Variants in ANKRD30B observed in about 807,000 individuals in gnomAD.
The protein encoded by ANKRD30B is ankyrin repeat domain-containing protein 30B.
A neutral mutation model predicts 202.2 loss-of-function variants in ANKRD30B; 144 were observed. The ratio of observed to expected loss-of-function variants is 0.71; its 90% CI spans 0.62 to 0.82. The LOEUF is 0.82. ANKRD30B is among the 40% of genes least tolerant of loss of function. The probability of loss-of-function intolerance (pLI) is 0.00; values close to 1 mark genes in which losing one functional copy is unlikely to be tolerated. For synonymous variants in ANKRD30B, 508 were observed against 561.3 expected (o/e 0.91, Z 1.34); for missense variants, 1,487 against 1,669.1 (o/e 0.89, Z 1.90).
the ANKRD30B span, among the ~76,000 whole-genome samples, chr18:14,915,327 T>C: frequency 1.3e-5 from 2 of 152,218 alleles, no homozygotes; most frequent in African/African-American, 4.8e-5. Flanking sequence ...ACTGCACCTC[T>C]CTTCTCCTTC....
chr18:14,810,326 T>A (rs1598657835), intron 28 of ANKRD30B, 146 bp downstream of exon 28: 3 of 551,100 alleles, frequency 5.4e-6, no homozygotes, highest in Non-Finnish European at 9.0e-6. Context: ...AGTATTTATG[T>A]TTGAGAAAAT....
chr18:14,862,431 A>G, the ANKRD30B span, among the ~76,000 whole-genome samples: 1 of 152,320 alleles, frequency 6.6e-6, no homozygotes, highest in South Asian at 2.1e-4. Context: ...AAAATTACAA[A>G]TGAGACATTG....
chr18:14,772,470 A>G (rs1033666816), intron 9 of ANKRD30B, among the ~76,000 whole-genome samples: 1 of 152,036 alleles, frequency 6.6e-6, no homozygotes, highest in African/African-American at 2.4e-5. Context: ...TGGGCTGGAG[A>G]ATACATAGTG....
chr18:14,819,544 G>A (rs1970300579), intron 30 of ANKRD30B, among the ~76,000 whole-genome samples: 1 of 152,144 alleles, frequency 6.6e-6, no homozygotes, highest in Non-Finnish European at 1.5e-5. Context: ...TTTGTATAAG[G>A]TGTAAGGAAG....
Position 14,763,816 on chromosome 18 carries a change from T to G in ANKRD30B, c.951T>G (p.Ile317Met), listed in dbSNP as rs766997718. The G allele has an allele frequency of 6.2e-7, 1 of 1,613,752 alleles. No individual in the cohort carries two copies. The highest frequency in any genetic ancestry group is 1.1e-5 in the South Asian group (1 of 90,990). The change falls in exon 7 of 44, where the codon ATT (isoleucine) becomes ATG (methionine). Residue 317 changes from isoleucine to methionine, a missense_variant. This residue lies in a region of ANKRD30B where 889 missense variants were observed against 841.4 expected (regional missense o/e 1.06). Coordinates refer to ENST00000690538, the MANE Select transcript of ANKRD30B (RefSeq NM_001367607.2). ...ARLVEGTSAK[I>M]QCLGKATSGK... The stretch of plus-strand genomic sequence containing the variant: ...TGGTGGAGGGAACGTCTGCCAAAAT[T>G]CAATGTCTGGGGAAAGCAACATCTG...
the ANKRD30B span, among the ~76,000 whole-genome samples, chr18:14,896,965 CAAA>C: frequency 5.6e-4 from 61 of 108,030 alleles, no homozygotes; most frequent in Non-Finnish European, 9.5e-4. Context: ...ATGCCAATTG[CAAA>C]AAAAAAAAAA....
chr18:14,937,400 AG>A, the ANKRD30B span, among the ~76,000 whole-genome samples: 1 of 123,458 alleles, frequency 8.1e-6, no homozygotes, highest in African/African-American at 3.0e-5. Context: ...AGTTCATATA[AG>A]CAAAAGAACA....
chr18:14,799,726 T>G (rs968867777), intron 22 of ANKRD30B, among the ~76,000 whole-genome samples: 1 of 151,948 alleles, frequency 6.6e-6, no homozygotes, highest in African/African-American at 2.4e-5. Context: ...GTTTCTTGTT[T>G]TTCTGATTAG....
intron 15 of ANKRD30B, 124 bp from the exon 16 acceptor site, chr18:14,791,275 CTT>C: frequency 2.7e-6 from 2 of 745,202 alleles, no homozygotes; most frequent in South Asian, 1.7e-5. Flanking sequence ...CGTGTGTACT[CTT>C]AAGTCGAATT....
the ANKRD30B span, among the ~76,000 whole-genome samples, chr18:14,901,028 A>G: frequency 1.3e-5 from 2 of 152,220 alleles, no homozygotes; most frequent in East Asian, 1.9e-4. Flanking sequence ...TCTTCATAAA[A>G]TGTACATAAA....
In ANKRD30B at chr18:14,799,247, C is replaced by T. The variant is rs1478900150; in HGVS notation, c.2083C>T (p.Leu695Phe). The T allele has an allele frequency of 1.3e-6, 2 of 1,559,754 alleles. No individual in the cohort carries two copies. The highest frequency in any genetic ancestry group is 1.9e-5 in the Admixed American group (1 of 52,318). ...LKPTCGRKVS[L>F]PNKALELKDR... Reference sequence around the variant, plus strand: ...GCCTACCTGTGGAAGGAAAGTTTCTCTTCCAAATAAAGCTTTAGAATTGAA... The same window carrying T: ...GCCTACCTGTGGAAGGAAAGTTTCTTTTCCAAATAAAGCTTTAGAATTGAA... The change falls in exon 22 of 44, where the codon CTT becomes TTT. Residue 695 changes from leucine to phenylalanine, a missense_variant. Around this residue, in one of 6 missense-constraint regions of ANKRD30B, gnomAD observed 889 missense variants for 841.4 expected, o/e 1.06. Coordinates refer to ENST00000690538, the MANE Select transcript of ANKRD30B (RefSeq NM_001367607.2).
Position 14,797,824 on chromosome 18 carries a change from G to C in ANKRD30B, c.1999G>C (p.Glu667Gln). ...AGTTTCTCTTCCAAATAAAGCCTTA[G>C]AATTAAAGGACAGAGAAACACTCAA... ...RKVSLPNKALELKDRETLKAE... is the reference protein window; with the variant it reads ...RKVSLPNKALQLKDRETLKAE... Residue 667 changes from glutamate to glutamine, a missense_variant, in exon 20 of 44, where the codon GAA becomes CAA. Coordinates refer to ENST00000690538, the MANE Select transcript of ANKRD30B (RefSeq NM_001367607.2). 1 of 1,551,170 alleles carries C rather than the reference G, an allele frequency of 6.4e-7. No homozygotes were observed.
At chr18:14,760,353 T>C (rs1216242344) in intron 5 of ANKRD30B, among the ~76,000 whole-genome samples, 1 of 152,164 alleles carries the variant, frequency 6.6e-6, no homozygotes, top group African/African-American at 2.4e-5. Flanking sequence ...AATTCATGAG[T>C]ATTTCATCTT....
chr18:14,776,901 G>A (rs1385216278), intron 9 of ANKRD30B, among the ~76,000 whole-genome samples: 2 of 152,132 alleles, frequency 1.3e-5, no homozygotes, highest in African/African-American at 4.8e-5. Flanking sequence ...TTTCCTAACT[G>A]AATCAGCTTC....
At chr18:14,817,949 A>G (rs759264627) in intron 30 of ANKRD30B, among the ~76,000 whole-genome samples, 1 of 152,154 alleles carries the variant, frequency 6.6e-6, no homozygotes, top group Non-Finnish European at 1.5e-5. Context: ...TGTGTTTTAG[A>G]GAGTTTATAT....
At chr18:14,776,736 A>T (rs1284877085) in intron 9 of ANKRD30B, among the ~76,000 whole-genome samples, 1 of 152,226 alleles carries the variant, frequency 6.6e-6, no homozygotes, top group Non-Finnish European at 1.5e-5. Flanking sequence ...GAAGTTGTGT[A>T]TTAAGAATGA....
chr18:14,824,878 T>C (rs573768823), intron 32 of ANKRD30B, among the ~76,000 whole-genome samples: 6 of 152,306 alleles, frequency 3.9e-5, no homozygotes, highest in East Asian at 1.9e-4. Context: ...TGTGAAGAAA[T>C]AGGTGTGATT....
At chr18:14,752,333 G>A (rs1913581243) in intron 1 of ANKRD30B, among the ~76,000 whole-genome samples, 1 of 152,134 alleles carries the variant, frequency 6.6e-6, no homozygotes, top group African/African-American at 2.4e-5. Context: ...TAATATTCAA[G>A]CTCAAGTTGA....
chr18:14,898,724 A>G, the ANKRD30B span, among the ~76,000 whole-genome samples: 2 of 152,148 alleles, frequency 1.3e-5, no homozygotes, highest in African/African-American at 4.8e-5. Context: ...GTAGGTTACC[A>G]GTTTTCAGGT....
Sources: allele counts gnomAD v4.1 joint callset (sites outside exome capture counted in the v4.1 genomes callset), GRCh38; gene constraint gnomAD v4.1.1; regional missense constraint gnomAD v4.1.1; transcripts MANE v1.5; gene names NCBI Gene and HGNC (gene_info 2026-07-23, HGNC 2026-07-21).